Variants in SLC12A2 observed in about 807,000 individuals in gnomAD.
SLC12A2 encodes solute carrier family 12 member 2.
Under a neutral mutation model 136.3 loss-of-function variants are expected in SLC12A2, and 67 were observed. The observed-to-expected ratio is 0.49, with a 90% CI of 0.40 to 0.60. The LOEUF is 0.60. Among genes scored for constraint, SLC12A2 ranks in the 20% least tolerant of loss-of-function variants. SLC12A2 has a pLI of 0.00. For synonymous variants in SLC12A2, 619 were observed against 562.9 expected (o/e 1.10, Z -1.41); for missense variants, 1,322 against 1,534.7 (o/e 0.86, Z 2.32).
At chr5:128,166,856 A>C (rs948055675) in intron 17 of SLC12A2, among the ~76,000 whole-genome samples, 1 of 152,062 alleles carries the variant, frequency 6.6e-6, no homozygotes, top group African/African-American at 2.4e-5. Context: ...TTGTGTGTGC[A>C]CACAATCTTG....
At chr5:128,176,959 A>C in intron 20 of SLC12A2, 146 bp from the exon 21 acceptor site, 1 of 489,186 alleles carries the variant, frequency 2.0e-6, no homozygotes, top group Non-Finnish European at 3.5e-6. Context: ...CAGTGCAGAA[A>C]ATATTAATCT....
chr5:128,143,777 T>C (rs1762441845), intron 10 of SLC12A2, among the ~76,000 whole-genome samples: 1 of 151,714 alleles, frequency 6.6e-6, no homozygotes, highest in Non-Finnish European at 1.5e-5. Flanking sequence ...TTCAGTATTG[T>C]ATAAACAGAA....
At chr5:128,124,220 T>G (rs1761694024) in intron 4 of SLC12A2, among the ~76,000 whole-genome samples, 1 of 152,212 alleles carries the variant, frequency 6.6e-6, no homozygotes. Flanking sequence ...TTTACACACT[T>G]CTGACTCCAA....
chr5:128,132,758 A>C (rs772296809), intron 5 of SLC12A2, among the ~76,000 whole-genome samples: 2 of 152,188 alleles, frequency 1.3e-5, no homozygotes, highest in Non-Finnish European at 2.9e-5. Context: ...GATGAAGAAA[A>C]AGGGCTATAA....
At chr5:128,158,684 G>C (rs1762939332) in intron 16 of SLC12A2, among the ~76,000 whole-genome samples, 1 of 152,072 alleles carries the variant, frequency 6.6e-6, no homozygotes. Context: ...GTGTCTTTAT[G>C]GTAGAACAAT....
At chr5:128,106,922 A>G (rs1305443908) in intron 1 of SLC12A2, among the ~76,000 whole-genome samples, 2 of 152,100 alleles carry the variant, frequency 1.3e-5, no homozygotes, top group Non-Finnish European at 2.9e-5. Flanking sequence ...ATGGGAAGAG[A>G]GATGCCTTTT....
intron 6 of SLC12A2, among the ~76,000 whole-genome samples, chr5:128,135,062 G>T (rs1296054951): frequency 6.6e-6 from 1 of 152,044 alleles, no homozygotes; most frequent in African/African-American, 2.4e-5. Context: ...CCTGGGACAT[G>T]ATTAGCATGT....
At chr5:128,172,169 T>A (rs1227761904) in intron 19 of SLC12A2, among the ~76,000 whole-genome samples, 2 of 152,234 alleles carry the variant, frequency 1.3e-5, no homozygotes, top group East Asian at 3.8e-4. Flanking sequence ...TAACGTTTTC[T>A]ATCTTCAGCA....
At chr5:128,089,443 T>G (rs1367318109) in intron 1 of SLC12A2, among the ~76,000 whole-genome samples, 1 of 152,134 alleles carries the variant, frequency 6.6e-6, no homozygotes, top group East Asian at 1.9e-4. Context: ...ACATCCAGGT[T>G]TTTCTGACTT....
At chr5:128,168,101 C>T (rs1413475339) in intron 18 of SLC12A2, 40 of 316,714 alleles carry the variant, frequency 1.3e-4, no homozygotes, top group South Asian at 1.8e-4. Flanking sequence ...CACACACACA[C>T]ATATATGTAT....
rs74597863 is a variant in SLC12A2, at chr5:128,163,950, G to T, written c.2616+2150G>T. Among the ~76,000 whole-genome samples, 6 of 152,232 alleles carry T rather than the reference G, an allele frequency of 3.9e-5. No homozygotes were observed. The East Asian group carries it at 5.8e-4, about 15-fold the overall frequency. The stretch of plus-strand genomic sequence containing the variant: ...AATATTGAAATATTTTAGGTAGAAT[G>T]CTACACTGGGTCATATGGTTATTTC... On this transcript the variant is annotated intron_variant, in intron 17 of 26. Coordinates refer to ENST00000262461, the MANE Select transcript of SLC12A2 (RefSeq NM_001046.3).
intron 18 of SLC12A2, chr5:128,170,023 T>C (rs1185144298): frequency 6.6e-6 from 1 of 152,204 alleles, no homozygotes; most frequent in Non-Finnish European, 1.5e-5. Flanking sequence ...TGCTCATTCT[T>C]TATCTTGTTG....
rs746169837 is a variant in SLC12A2 at position 128,180,920 on chromosome 5, G to A, written c.3138G>A (p.Lys1046=). 1 of 1,611,820 alleles carries A rather than the reference G, an allele frequency of 6.2e-7. No homozygotes were observed. Among genetic ancestry groups the A allele is most frequent in the South Asian group, 1.1e-5 (1 of 90,978 alleles). ...TGATACCTTACCTTCTGACGACCAA[G>A]AAAAAATGGAAAGACTGTAAGATCA... ...TLLIPYLLTT[K]KKWKDCKIRV... Residue 1046 remains lysine (K), a synonymous_variant, in exon 23 of 27, where the codon AAG becomes AAA. Coordinates refer to ENST00000262461, the MANE Select transcript of SLC12A2 (RefSeq NM_001046.3).
At chr5:128,124,834 A>G (rs1420274473) in intron 4 of SLC12A2, among the ~76,000 whole-genome samples, 1 of 152,142 alleles carries the variant, frequency 6.6e-6, no homozygotes, top group Admixed American at 6.5e-5. Flanking sequence ...CTCTAATCAC[A>G]TAGTTGTTCC....
intron 10 of SLC12A2, among the ~76,000 whole-genome samples, chr5:128,147,337 T>C (rs1762559572): frequency 1.3e-5 from 2 of 151,696 alleles, no homozygotes; most frequent in African/African-American, 2.4e-5. Flanking sequence ...TAGCCCTAAG[T>C]TGATCATTGT....
intron 17 of SLC12A2, 93 bp from the exon 18 acceptor site, chr5:128,167,668 G>A: frequency 1.2e-6 from 1 of 803,454 alleles, no homozygotes; most frequent in Non-Finnish European, 2.0e-6. Context: ...AGTGTCTATA[G>A]AAGCTGTCAA....
At chr5:128,152,877 A>G in intron 15 of SLC12A2, 72 bp downstream of exon 15, 2 of 908,680 alleles carry the variant, frequency 2.2e-6, no homozygotes, top group South Asian at 1.3e-5. Flanking sequence ...TTTCATTGAC[A>G]TTTTCATGTA....
Position 128,084,239 on chromosome 5 carries a change from T to TGCG in SLC12A2, c.306_308dup (p.Ala107dup), listed in dbSNP as rs746633185. The stretch of plus-strand genomic sequence containing the variant: ...CCGAGAACGCCGGGCGGGCCGCTGC[T>TGCG]GCGGCGGCGGCGGCGGCGGCGGCAG... On this transcript the variant is annotated inframe_insertion, in exon 1 of 27. Transcript: ENST00000262461. The surrounding 1 kb of genome is among the most constrained non-coding windows in gnomAD (Gnocchi z 5.6). 4,198 of 1,279,528 alleles carry TGCG rather than the reference T, an allele frequency of 3.3e-3. 9 individuals carry two copies. Among genetic ancestry groups the TGCG allele is most frequent in the East Asian group, 0.011 (351 of 31,074 alleles). The allele number at this position is 1,279,528 out of a possible 1,614,324, so 79.3% of individuals were successfully genotyped here.
At chr5:128,096,408 A>T (rs1194290301) in intron 1 of SLC12A2, among the ~76,000 whole-genome samples, 1 of 152,040 alleles carries the variant, frequency 6.6e-6, no homozygotes, top group Non-Finnish European at 1.5e-5. Flanking sequence ...TTTTTATAAA[A>T]CCTAATGGTT....
Sources: gnomAD v4.1 joint callset for allele counts (sites outside exome capture counted in the v4.1 genomes callset) on GRCh38, gnomAD v4.1.1 for gene constraint, Gnocchi (gnomAD v3.1) non-coding constraint, MANE v1.5 for transcripts, NCBI Gene and HGNC (gene_info 2026-07-23, HGNC 2026-07-21) for gene names.